PCDHA8: variants seen among roughly 807,000 people sequenced by gnomAD.
PCDHA8 encodes the protein protocadherin alpha 8.
PCDHA8 carries 53 observed loss-of-function variants against 61.8 expected under a neutral mutation model. The ratio of observed to expected loss-of-function variants is 0.86; its 90% confidence interval spans 0.69 to 1.08. PCDHA8 has a LOEUF of 1.08. Ranked by LOEUF, PCDHA8 falls within the 50% of genes least tolerant of loss-of-function variation. The pLI is 0.00. For missense variants in PCDHA8, 1,293 were observed against 1,245.0 expected (o/e 1.04, Z -0.58); for synonymous variants, 618 against 556.6 (o/e 1.11, Z -1.55).
chr5:140,892,332 T>C (rs552266223), intron 1 of PCDHA8, among the ~76,000 whole-genome samples: 41 of 152,392 alleles, frequency 2.7e-4, no homozygotes, highest in African/African-American at 9.9e-4. Flanking sequence ...TTCTCCAGAA[T>C]GGATTTTAAT....
At chr5:140,889,213 G>A (rs1463412254) in intron 1 of PCDHA8, among the ~76,000 whole-genome samples, 1 of 151,602 alleles carries the variant, frequency 6.6e-6, no homozygotes, top group African/African-American at 2.4e-5. Context: ...TAACAAAGAA[G>A]AATAGTCTTT....
chr5:140,888,239 C>G (rs1361679058), intron 1 of PCDHA8, among the ~76,000 whole-genome samples: 3 of 151,992 alleles, frequency 2.0e-5, no homozygotes, highest in Non-Finnish European at 4.4e-5. Flanking sequence ...TGTGCGTGTT[C>G]CTTTAAAGCA....
intron 2 of PCDHA8, among the ~76,000 whole-genome samples, chr5:140,980,645 G>A (rs1322302727): frequency 6.7e-6 from 1 of 149,206 alleles, no homozygotes; most frequent in African/African-American, 2.5e-5. Flanking sequence ...ATAAATAAAT[G>A]AATAAAATAA....
intron 1 of PCDHA8, chr5:140,876,900 G>T: frequency 1.2e-6 from 2 of 1,614,114 alleles, no homozygotes; most frequent in East Asian, 2.2e-5. Context: ...ACATCTTCAC[G>T]GTGTCGGCAT....
At position 140,842,992 on chromosome 5, in the gene PCDHA8, C is replaced by T. The variant is rs144435690; in HGVS notation, c.1671C>T (p.Asp557=). The T allele has an allele frequency of 5.2e-4, 826 of 1,594,968 alleles. 57 individuals carry two copies. In the African/African-American group the frequency reaches 9.5e-3, roughly 18 times the overall value. The change falls in exon 1 of 4, where the codon GAC becomes GAT. Residue 557 remains aspartate, a synonymous_variant. Transcript: ENST00000531613. ...SNVTLQVFVL[D]ENDNAPALLE... ...TGACGCTGCAGGTGTTCGTGCTGGA[C>T]GAGAATGACAACGCGCCGGCACTGC...
At chr5:140,887,101 CTT>C (rs200717289) in intron 1 of PCDHA8, among the ~76,000 whole-genome samples, 4 of 145,262 alleles carry the variant, frequency 2.8e-5, no homozygotes, top group African/African-American at 5.0e-5. Flanking sequence ...ATCTTTATCT[CTT>C]TTTTTTTTTT....
chr5:141,000,403 A>C (rs1233777704), intron 3 of PCDHA8, among the ~76,000 whole-genome samples: 120 of 84,052 alleles, frequency 1.4e-3, no homozygotes, highest in East Asian at 4.6e-3. Context: ...CTCTATATAT[A>C]TATATATATA....
chr5:140,861,756 T>C (rs1158733756), intron 1 of PCDHA8: 1 of 108,868 alleles, frequency 9.2e-6, no homozygotes, highest in Non-Finnish European at 1.9e-5. Context: ...AATGATTATT[T>C]TTCCCTGGAA....
chr5:140,893,205 T>A (rs192969362), intron 1 of PCDHA8, among the ~76,000 whole-genome samples: 1 of 152,338 alleles, frequency 6.6e-6, no homozygotes, highest in East Asian at 1.9e-4. Context: ...CTGCAGTAAG[T>A]ATGGGAGGTG....
chr5:140,870,052 A>C (rs782520778), intron 1 of PCDHA8: 1 of 1,613,830 alleles, frequency 6.2e-7, no homozygotes, highest in Non-Finnish European at 8.5e-7. Flanking sequence ...GTTTTATAAA[A>C]TTGAAGTACA....
rs112749867 is a variant in PCDHA8 at position 140,870,111 on chromosome 5, G to T, written c.2394+26396G>T. On this transcript the variant is annotated intron_variant, in intron 1 of 3. Coordinates refer to ENST00000531613, the MANE Select transcript of PCDHA8 (RefSeq NM_018911.3). ...CAATGGCAGGTCACTGTACAGTCTG[G>T]GTGGAAATCTTGGACACCAACGATA... is the stretch of plus-strand genomic sequence containing the variant. 32 of 1,613,880 alleles carry T rather than the reference G, an allele frequency of 2.0e-5. 1 individual carries two copies. In the African/African-American group the frequency reaches 2.0e-4, roughly 10 times the overall value.
chr5:140,967,984 C>G (rs2096207352), intron 1 of PCDHA8: 2 of 1,614,100 alleles, frequency 1.2e-6, no homozygotes, highest in African/African-American at 2.7e-5. Flanking sequence ...GTCTGGAGGC[C>G]ACACTGCCTT....
At chr5:140,964,401 G>A (rs1230382796) in intron 1 of PCDHA8, among the ~76,000 whole-genome samples, 6 of 152,166 alleles carry the variant, frequency 3.9e-5, no homozygotes, top group Admixed American at 2.0e-4. Flanking sequence ...CCCAAGACAT[G>A]ACATTTGGGG....
chr5:140,871,710 C>T (rs1306052156), intron 1 of PCDHA8: 4 of 826,486 alleles, frequency 4.8e-6, no homozygotes, highest in East Asian at 2.8e-5. Flanking sequence ...AATAAATGTC[C>T]TATTTCTCTT....
intron 1 of PCDHA8, among the ~76,000 whole-genome samples, chr5:140,960,819 G>A (rs1287793882): frequency 1.3e-5 from 2 of 152,146 alleles, no homozygotes; most frequent in Admixed American, 6.5e-5. Context: ...CCCAAGTGAT[G>A]AATGGAAACT....
chr5:140,875,834 T>C (rs1562703586), intron 1 of PCDHA8: 2 of 1,613,958 alleles, frequency 1.2e-6, no homozygotes, highest in Non-Finnish European at 1.7e-6. Context: ...CATGTGGACG[T>C]GGAGGTGAAG....
rs373471484 is a variant in PCDHA8, at chr5:140,997,017, TA to T, written c.2543-12609del. 5.1e-4 allele frequency among the ~76,000 whole-genome samples: 78 copies of T among 152,304 alleles called. No individual in the cohort carries two copies. The South Asian group carries it at 0.011, about 21-fold the overall frequency. ...TAACAATTTTGTGTGTATCCTCCAA[TA>T]TTTTTTTGAAATTAATGAACTTTAC... On this transcript the variant is annotated intron_variant, in intron 3 of 3. Transcript: ENST00000531613.
At chr5:140,856,750 C>A in intron 1 of PCDHA8, 1 of 1,596,268 alleles carries the variant, frequency 6.3e-7, no homozygotes, top group South Asian at 1.1e-5. Context: ...TGTTAGATGC[C>A]AATGATAACG....
intron 1 of PCDHA8, among the ~76,000 whole-genome samples, chr5:140,887,705 T>G (rs1016402630): frequency 6.6e-6 from 1 of 152,172 alleles, no homozygotes; most frequent in Non-Finnish European, 1.5e-5. Context: ...TCAACCATAC[T>G]TCTTCTAATA....
Sources: gnomAD v4.1 joint callset for allele counts (sites outside exome capture counted in the v4.1 genomes callset) on GRCh38, gnomAD v4.1.1 for gene constraint, MANE v1.5 for transcripts, NCBI Gene and HGNC (gene_info 2026-07-23, HGNC 2026-07-21) for gene names.